MCAT: variants seen among roughly 807,000 people sequenced by gnomAD.
MCAT encodes malonyl-CoA-acyl carrier protein transacylase, mitochondrial.
In MCAT, 22 loss-of-function variants were observed where a neutral mutation model predicts 22.9. That is an observed-to-expected ratio of 0.96 (90% CI 0.69 to 1.37). The LOEUF is 1.37. Among genes scored for constraint, MCAT ranks in the 40% most tolerant of loss-of-function variants. The probability of loss-of-function intolerance (pLI) is 0.00; values close to 1 mark genes in which losing one functional copy is unlikely to be tolerated. For synonymous variants in MCAT, 240 were observed against 233.9 expected (o/e 1.03, Z -0.24); for missense variants, 534 against 533.6 (o/e 1.00, Z -0.01).
chr22:43,132,889 T>G lies in MCAT; in HGVS notation c.*154A>C. On this transcript the variant is annotated 3_prime_UTR_variant, in exon 4 of 4. Coordinates refer to ENST00000290429, the MANE Select transcript of MCAT (RefSeq NM_173467.5). The stretch of plus-strand genomic sequence containing the variant: ...GGGTCATGTAAAGAAATACTCATTT[T>G]TAGGGCTTTTTATGTGGCCTTCAAA... The G allele has an allele frequency of 1.5e-6, 1 of 651,484 alleles. No individual in the cohort carries two copies. Among genetic ancestry groups the G allele is most frequent in the Non-Finnish European group, 2.6e-6 (1 of 378,502 alleles). The allele number at this position is 651,484 out of a possible 1,614,324, so 40.4% of individuals were successfully genotyped here.
At chr22:43,141,355 G>T in intron 1 of MCAT, 106 bp from the exon 2 acceptor site, 1 of 911,850 alleles carries the variant, frequency 1.1e-6, no homozygotes, top group Non-Finnish European at 1.8e-6. Context: ...AGTGAGCCAG[G>T]TTCTACGAAC....
chr22:43,138,530 A>C (rs915386042), intron 2 of MCAT, among the ~76,000 whole-genome samples: 2 of 152,178 alleles, frequency 1.3e-5, no homozygotes, highest in Non-Finnish European at 2.9e-5. Flanking sequence ...TGAGCTCAGG[A>C]GTTCGAGACC....
At chr22:43,137,841 G>A (rs1930664590) in intron 2 of MCAT, among the ~76,000 whole-genome samples, 1 of 152,082 alleles carries the variant, frequency 6.6e-6, no homozygotes. Context: ...ACCTCCTTGA[G>A]GTTCAAATTT....
At chr22:43,137,933 A>C (rs1480018511) in intron 2 of MCAT, among the ~76,000 whole-genome samples, 1 of 152,184 alleles carries the variant, frequency 6.6e-6, no homozygotes, top group Non-Finnish European at 1.5e-5. Flanking sequence ...TTAGTTTATT[A>C]AGAGAGATCA....
chr22:43,137,295 A>C lies in MCAT; in HGVS notation c.515T>G (p.Leu172Trp). 1.2e-6 allele frequency: 2 copies of C among 1,613,080 alleles called. No homozygotes were observed. Among genetic ancestry groups the C allele is most frequent in the Non-Finnish European group, 1.7e-6 (2 of 1,179,330 alleles). ...CTCAGCTCGGATTTTCACTGCATAC[A>C]AACCTGGCCAGAGAGAAGCGCATTT... Reference protein sequence around the residue: ...FAGAMEFAEGLYAVKIRAEAM... With the variant: ...FAGAMEFAEGWYAVKIRAEAM... Residue 172 changes from leucine (L) to tryptophan (W), a missense_variant, in exon 3 of 4, where the codon TTG becomes TGG. Transcript: ENST00000290429.
At chr22:43,138,720 G>C (rs926814683) in intron 2 of MCAT, among the ~76,000 whole-genome samples, 5 of 152,190 alleles carry the variant, frequency 3.3e-5, no homozygotes, top group Admixed American at 6.5e-5. Context: ...CTGGGTGACA[G>C]AGCGAGACCC....
Position 43,133,155 on chromosome 22 carries a change from A to C in MCAT, c.1061T>G (p.Leu354Arg). 1 of 1,614,230 alleles carries C rather than the reference A, an allele frequency of 6.2e-7. No individual in the cohort carries two copies. Residue 354 changes from leucine (L) to arginine (R), a missense_variant, in exon 4 of 4, where the codon CTG (leucine) becomes CGG (arginine). Physicochemically the swap from Leu to Arg is moderately radical, Grantham distance 102. Coordinates refer to ENST00000290429, the MANE Select transcript of MCAT (RefSeq NM_173467.5). ...GTTACAGCTCTTCAGGATGGCTCCC[A>C]GCTGCCTGCCAGGGCCTACTTCGAA... ...QTFEVGPGRQ[L>R]GAILKSCNMQ...
Position 43,132,959 on chromosome 22 carries a change from T to C in MCAT, c.*84A>G, listed in dbSNP as rs951274984. 1 of 1,283,494 alleles carries C rather than the reference T, an allele frequency of 7.8e-7. No individual in the cohort carries two copies. The highest frequency in any genetic ancestry group is 1.5e-5 in the African/African-American group (1 of 66,898). The allele number at this position is 1,283,494 out of a possible 1,614,324, so 79.5% of individuals were successfully genotyped here. A position where few individuals can be genotyped will look rare whatever the true frequency, so the allele number is the denominator to read the frequency against. On this transcript the variant is annotated 3_prime_UTR_variant, in exon 4 of 4. Coordinates refer to ENST00000290429, the MANE Select transcript of MCAT (RefSeq NM_173467.5). Reference sequence around the variant, plus strand: ...CTTTCACTCCTCAGAGGAGGAGCCATTAGGAAGGTAGGGGGCGACAGGCAC... The same window carrying C: ...CTTTCACTCCTCAGAGGAGGAGCCACTAGGAAGGTAGGGGGCGACAGGCAC...
At chr22:43,141,095 G>A (rs1301194857) in intron 2 of MCAT, 67 bp downstream of exon 2, 1 of 1,301,106 alleles carries the variant, frequency 7.7e-7, no homozygotes, top group Non-Finnish European at 1.1e-6. Flanking sequence ...ATCATTTTTG[G>A]CAGTGTCCCT....
At chr22:43,139,927 TTG>T (rs1453161221) in intron 2 of MCAT, among the ~76,000 whole-genome samples, 1 of 152,174 alleles carries the variant, frequency 6.6e-6, no homozygotes, top group Non-Finnish European at 1.5e-5. Flanking sequence ...TGTAATAAAA[TTG>T]TTTCATAAAA....
Position 43,133,499 on chromosome 22 carries a change from G to A in MCAT, c.730-13C>T. On this transcript the variant is annotated splice_polypyrimidine_tract_variant and intron_variant, in intron 3 of 3. Coordinates refer to ENST00000290429, the MANE Select transcript of MCAT (RefSeq NM_173467.5). ...GAAACCGTAGAGCCTGGGGAAGGAA[G>A]GAGGTTTCAGCCGAGCAATGTCCCA... The A allele has an allele frequency of 1.9e-6, 3 of 1,592,038 alleles. No homozygotes were observed. In the South Asian group the frequency reaches 3.4e-5, roughly 18 times the overall value.
At chr22:43,141,388 A>G (rs1930764594) in intron 1 of MCAT, 139 bp from the exon 2 acceptor site, 1 of 697,328 alleles carries the variant, frequency 1.4e-6, no homozygotes, top group Non-Finnish European at 2.5e-6. Context: ...CTGGAAGAGG[A>G]CACACAAAAG....
In MCAT at chr22:43,133,139, C is replaced by T. The variant is rs1930498373; in HGVS notation, c.1077G>A (p.Lys359=). 6.2e-6 allele frequency: 10 copies of T among 1,614,044 alleles called. No homozygotes were observed. Among genetic ancestry groups the T allele is most frequent in the Non-Finnish European group, 8.5e-6 (10 of 1,180,042 alleles). ...ACTTCCAGGCCTGCATGTTACAGCT[C>T]TTCAGGATGGCTCCCAGCTGCCTGC... ...GPGRQLGAIL[K]SCNMQAWKSY... Residue 359 remains lysine, a synonymous_variant, in exon 4 of 4, where the codon AAG becomes AAA. Transcript: ENST00000290429.
At chr22:43,138,328 C>T (rs757999510) in intron 2 of MCAT, among the ~76,000 whole-genome samples, 3 of 152,150 alleles carry the variant, frequency 2.0e-5, no homozygotes, top group African/African-American at 4.8e-5. Context: ...GTTACTGTCC[C>T]CACTTAGAGC....
At chr22:43,142,704 T>C (rs2147038839) in intron 1 of MCAT, among the ~76,000 whole-genome samples, 1 of 144,938 alleles carries the variant, frequency 6.9e-6, no homozygotes, top group East Asian at 2.0e-4. Flanking sequence ...GAGAATGGCG[T>C]GAACTCGGGA....
chr22:43,141,748 T>C (rs764463201), intron 1 of MCAT, among the ~76,000 whole-genome samples: 2 of 152,180 alleles, frequency 1.3e-5, no homozygotes, highest in Non-Finnish European at 1.5e-5. Context: ...ATTTTTGTAT[T>C]TTTAGTAGAG....
At chr22:43,138,324 G>A (rs577370845) in intron 2 of MCAT, among the ~76,000 whole-genome samples, 7 of 152,300 alleles carry the variant, frequency 4.6e-5, no homozygotes, top group Admixed American at 1.3e-4. Flanking sequence ...AAGTGTTACT[G>A]TCCCCACTTA....
chr22:43,133,172 T>G lies in MCAT; in HGVS notation c.1044A>C (p.Val348=), dbSNP rs1482418960. The G allele has an allele frequency of 6.2e-7, 1 of 1,614,104 alleles. No individual in the cohort carries two copies. The highest frequency in any genetic ancestry group is 8.5e-7 in the Non-Finnish European group (1 of 1,180,034). Residue 348 remains valine (V), a synonymous_variant, in exon 4 of 4, where the codon GTA becomes GTC. Coordinates refer to ENST00000290429, the MANE Select transcript of MCAT (RefSeq NM_173467.5). ...KGRGFPQTFE[V]GPGRQLGAIL... ...TGGCTCCCAGCTGCCTGCCAGGGCC[T>G]ACTTCGAAAGTTTGGGGGAACCCCC...
chr22:43,137,380 C>T, intron 2 of MCAT, 82 bp from the exon 3 acceptor site: 3 of 1,145,656 alleles, frequency 2.6e-6, no homozygotes, highest in South Asian at 2.9e-5. Flanking sequence ...AAAGCCCAAG[C>T]TCCACTCTGC....
Sources: allele counts gnomAD v4.1 joint callset (sites outside exome capture counted in the v4.1 genomes callset), GRCh38; gene constraint gnomAD v4.1.1; transcripts MANE v1.5; gene names NCBI Gene and HGNC (gene_info 2026-07-23, HGNC 2026-07-21).